Variants in RRM2 observed in about 807,000 individuals in gnomAD.
The protein encoded by RRM2 is ribonucleotide reductase regulatory subunit M2.
In RRM2, 6 loss-of-function variants were observed where a neutral mutation model predicts 45.9. The ratio of observed to expected loss-of-function variants is 0.13; its 90% CI spans 0.07 to 0.26. The LOEUF is 0.26. Among genes scored for constraint, RRM2 ranks in the 10% least tolerant of loss-of-function variants. The pLI, the probability that RRM2 is intolerant of heterozygous loss-of-function variation, is 1.00. For missense variants in RRM2, 343 were observed against 489.5 expected (o/e 0.70, Z 2.82); for synonymous variants, 177 against 173.0 (o/e 1.02, Z -0.18).
rs898607703 is a variant in RRM2, at chr2:10,169,344, G to A, written n.482+26969G>A. Among the ~76,000 whole-genome samples, 2 of 152,102 alleles carry A rather than the reference G, an allele frequency of 1.3e-5. No individual in the cohort carries two copies. Among genetic ancestry groups the A allele is most frequent in the African/African-American group, 4.8e-5 (2 of 41,394 alleles). On this transcript the variant is annotated intron_variant and non_coding_transcript_variant, in intron 3 of 3. Transcript: ENST00000381786. The surrounding 1 kb of genome is among the most constrained non-coding windows in gnomAD (Gnocchi z 5.1). ...GTGTAGTTTTAGACGTGCAACATGAGGGGAAATCTTAGGTTAATTGCTGGG... is the reference window on the plus strand; with the variant it reads ...GTGTAGTTTTAGACGTGCAACATGAAGGGAAATCTTAGGTTAATTGCTGGG...
intron 7 of RRM2, 99 bp from the exon 8 acceptor site, chr2:10,128,749 G>A: frequency 1.2e-6 from 1 of 839,390 alleles, no homozygotes; most frequent in Non-Finnish European, 2.0e-6. Context: ...GGCTGAGCAT[G>A]TTGGATAAGG....
intron 3 of RRM2, among the ~76,000 whole-genome samples, chr2:10,152,733 T>C (rs956184317): frequency 2.0e-5 from 3 of 152,028 alleles, no homozygotes; most frequent in African/African-American, 7.2e-5. Context: ...TTTGCCTGCC[T>C]CGGCCTCCCA....
chr2:10,134,375 G>A (rs1351683792), downstream of RRM2, among the ~76,000 whole-genome samples: 2 of 152,076 alleles, frequency 1.3e-5, no homozygotes, highest in Non-Finnish European at 2.9e-5. Context: ...TAAACCAGGG[G>A]AGGAGTTGGG....
intron 7 of RRM2, among the ~76,000 whole-genome samples, chr2:10,128,424 T>C (rs1662827839): frequency 6.6e-6 from 1 of 152,244 alleles, no homozygotes; most frequent in Non-Finnish European, 1.5e-5. Flanking sequence ...ATGCAGTAAC[T>C]TGCAAACTTG....
At chr2:10,186,357 G>A (rs901328470) in intron 3 of RRM2, among the ~76,000 whole-genome samples, 2 of 149,318 alleles carry the variant, frequency 1.3e-5, no homozygotes, top group Admixed American at 6.8e-5. Flanking sequence ...GAGTTTCACC[G>A]TGTTGGCCAG....
rs189340686 is a variant in RRM2, at chr2:10,205,403, A to G, written n.483-4908A>G. ...TCTCTTCACTTTCAGACTCAAGTCC[A>G]GCTTATTGGGGCTTATGAAGACTTC... On this transcript the variant is annotated intron_variant and non_coding_transcript_variant, in intron 3 of 3. Transcript: ENST00000381786. The surrounding 1 kb of genome is among the most constrained non-coding windows in gnomAD (Gnocchi z 4.8). 5.1e-4 allele frequency among the ~76,000 whole-genome samples: 78 copies of G among 152,336 alleles called. 2 individuals are homozygous for G. In the East Asian group the frequency reaches 0.015, roughly 29 times the overall value.
upstream of RRM2, chr2:10,122,653 G>C (rs747349610): frequency 6.5e-7 from 1 of 1,547,982 alleles, no homozygotes; most frequent in South Asian, 1.2e-5. Flanking sequence ...CAGCCAATGG[G>C]AAGGGCCGGG....
chr2:10,135,661 C>G (rs1662976289), downstream of RRM2, among the ~76,000 whole-genome samples: 1 of 152,158 alleles, frequency 6.6e-6, no homozygotes, highest in Admixed American at 6.5e-5. Flanking sequence ...AGTTAAAACT[C>G]TTAAGGCTCA....
rs1452442470 is a variant in RRM2, at chr2:10,124,602, T to C, written c.436-115T>C. On this transcript the variant is annotated intron_variant, in intron 4 of 9. Transcript: ENST00000304567. ...AAGAATTGTGACAAATTGGATGAAATATATATAGAAATAAACCTTATAATG... is the reference window on the plus strand; with the variant it reads ...AAGAATTGTGACAAATTGGATGAAACATATATAGAAATAAACCTTATAATG... 5.3e-6 allele frequency: 6 copies of C among 1,128,390 alleles called. No individual in the cohort carries two copies. The South Asian group carries it at 5.8e-5, about 11-fold the overall frequency. The allele number at this position is 1,128,390 out of a possible 1,614,324, so 69.9% of individuals were successfully genotyped here. A position where few individuals can be genotyped will look rare whatever the true frequency, so the allele number is the denominator to read the frequency against.
At chr2:10,168,054 C>G (rs1209122633) in intron 3 of RRM2, among the ~76,000 whole-genome samples, 1 of 90,472 alleles carries the variant, frequency 1.1e-5, no homozygotes, top group Admixed American at 1.1e-4. Flanking sequence ...TTTTTTTTTG[C>G]CTTAAGCAAA....
chr2:10,175,355 C>G (rs1323431202), intron 3 of RRM2, among the ~76,000 whole-genome samples: 1 of 152,188 alleles, frequency 6.6e-6, no homozygotes, highest in East Asian at 1.9e-4. Context: ...GTTTTTTCCC[C>G]TATTTTAAAA....
intron 3 of RRM2, among the ~76,000 whole-genome samples, chr2:10,184,133 G>T (rs1362244208): frequency 7.5e-6 from 1 of 132,716 alleles, no homozygotes; most frequent in African/African-American, 2.6e-5. Flanking sequence ...AAAAAAGCAG[G>T]GCAGCAGGGT....
intron 3 of RRM2, among the ~76,000 whole-genome samples, chr2:10,158,362 C>T (rs1663479235): frequency 6.6e-6 from 1 of 152,144 alleles, no homozygotes; most frequent in Admixed American, 6.5e-5. Flanking sequence ...TGTAAGTGGC[C>T]TGGCCAGGAT....
downstream of RRM2, among the ~76,000 whole-genome samples, chr2:10,135,399 G>A (rs1662971644): frequency 2.0e-5 from 3 of 152,150 alleles, no homozygotes; most frequent in Admixed American, 6.5e-5. Flanking sequence ...AGGCCTTGGA[G>A]GTATATGGTT....
At position 10,172,232 on chromosome 2, in the gene RRM2, C is replaced by T. The variant is rs1663819935; in HGVS notation, n.482+29857C>T. 6.6e-6 allele frequency among the ~76,000 whole-genome samples: 1 copy of T among 152,112 alleles called. No individual in the cohort carries two copies. On this transcript the variant is annotated intron_variant and non_coding_transcript_variant, in intron 3 of 3. Coordinates refer to the RRM2 transcript ENST00000381786. The surrounding 1 kb of genome is among the most constrained non-coding windows in gnomAD (Gnocchi z 4.9). ...CTGCTCTAAGTCATGGGTGCTGAGG[C>T]CCACCTGTCTGGCGAGGGTCTGGGG... is the stretch of plus-strand genomic sequence containing the variant.
intron 3 of RRM2, among the ~76,000 whole-genome samples, chr2:10,180,441 C>G (rs1022486971): frequency 2.6e-5 from 4 of 152,232 alleles, no homozygotes; most frequent in African/African-American, 9.6e-5. Flanking sequence ...TATTCACCCT[C>G]GCTGCATAAT....
intron 4 of RRM2, 187 bp downstream of exon 4, chr2:10,124,039 T>A (rs1448952140): frequency 1.7e-6 from 1 of 600,542 alleles, no homozygotes; most frequent in Non-Finnish European, 3.0e-6. Context: ...TTCCCGACTC[T>A]AGAGAAGCTG....
At chr2:10,177,869 G>T (rs1480699174) in intron 3 of RRM2, among the ~76,000 whole-genome samples, 1 of 151,202 alleles carries the variant, frequency 6.6e-6, no homozygotes. Context: ...TGATCCACCC[G>T]CCTCAGCCTC....
intron 3 of RRM2, among the ~76,000 whole-genome samples, chr2:10,162,625 C>T (rs1663586483): frequency 6.6e-6 from 1 of 152,140 alleles, no homozygotes; most frequent in African/African-American, 2.4e-5. Flanking sequence ...GACTGTGCAC[C>T]GTGAGTTAGC....
Sources: allele counts gnomAD v4.1 joint callset (sites outside exome capture counted in the v4.1 genomes callset), GRCh38; gene constraint gnomAD v4.1.1; non-coding constraint Gnocchi (gnomAD v3.1); transcripts MANE v1.5; gene names NCBI Gene and HGNC (gene_info 2026-07-23, HGNC 2026-07-21).